The following HBS1L variants were observed in gnomAD, a reference collection of about 807,000 sequenced individuals.
HBS1L encodes HBS1 like translational GTPase, also known as HBS1-like protein.
In HBS1L, 55 loss-of-function variants were observed where a neutral mutation model predicts 88.9. That is an observed-to-expected ratio of 0.62 (90% CI 0.50 to 0.77). The LOEUF (loss-of-function observed/expected upper bound fraction) is 0.77. Among genes scored for constraint, HBS1L ranks in the 30% least tolerant of loss-of-function variants. The pLI is 0.00. For synonymous variants in HBS1L, 267 were observed against 288.5 expected (o/e 0.93, Z 0.76); for missense variants, 741 against 829.3 (o/e 0.89, Z 1.31).
chr6:134,978,023 A>G (rs1242830097), intron 15 of HBS1L, among the ~76,000 whole-genome samples: 1 of 152,010 alleles, frequency 6.6e-6, no homozygotes. Flanking sequence ...ATGCTGGCAA[A>G]CCAACCTTAC....
At chr6:134,971,999 AGTTAGTGTTAATAAGTTCTG>A (rs1229572505) in intron 15 of HBS1L, among the ~76,000 whole-genome samples, 1 of 152,202 alleles carries the variant, frequency 6.6e-6, no homozygotes, top group Admixed American at 6.5e-5. Context: ...TATTTATCTC[AGTTAGTGTTAATAAGTTCTG>A]GTGCAGAAAC....
At chr6:135,019,114 G>GA (rs1344847498) in intron 4 of HBS1L, among the ~76,000 whole-genome samples, 2 of 151,734 alleles carry the variant, frequency 1.3e-5, no homozygotes, top group Admixed American at 6.6e-5. Flanking sequence ...GCAACCACCA[G>GA]AAAAAATAAG....
intron 5 of HBS1L, among the ~76,000 whole-genome samples, chr6:135,000,366 A>G (rs1775416587): frequency 6.6e-6 from 1 of 151,190 alleles, no homozygotes; most frequent in African/African-American, 2.4e-5. Flanking sequence ...CACCCTGTAC[A>G]CTTACCTAAT....
intron 4 of HBS1L, among the ~76,000 whole-genome samples, chr6:135,017,991 A>C (rs1306833309): frequency 4.4e-5 from 5 of 114,296 alleles, no homozygotes; most frequent in Non-Finnish European, 8.0e-5. Flanking sequence ...AAACAAACAA[A>C]CAAAAAAAAA....
intron 13 of HBS1L, among the ~76,000 whole-genome samples, chr6:134,980,153 T>C (rs569182770): frequency 1.8e-4 from 28 of 152,186 alleles, no homozygotes; most frequent in African/African-American, 6.7e-4. Context: ...TGGATAGTTC[T>C]TGATTGACAC....
intron 3 of HBS1L, among the ~76,000 whole-genome samples, chr6:135,041,053 C>G (rs1776719023): frequency 6.6e-6 from 1 of 151,970 alleles, no homozygotes; most frequent in African/African-American, 2.4e-5. Context: ...TTTCAAACTC[C>G]CTATTCCACA....
chr6:135,054,791 C>G lies in HBS1L; in HGVS notation c.-100G>C. ...AACTGCAGCCTGGAGAACCCCTATG[C>G]GCCATCTTGGCTTCCCGCAGGCCTC... On this transcript the variant is annotated 5_prime_UTR_variant, in exon 1 of 18. Coordinates refer to ENST00000367837, the MANE Select transcript of HBS1L (RefSeq NM_006620.4). 3 of 1,437,604 alleles carry G rather than the reference C, an allele frequency of 2.1e-6. No homozygotes were observed. The highest frequency in any genetic ancestry group is 1.9e-5 in the Admixed American group (1 of 53,570). The allele number at this position is 1,437,604 out of a possible 1,614,324, so 89.1% of individuals were successfully genotyped here. A position where few individuals can be genotyped will look rare whatever the true frequency, so the allele number is the denominator to read the frequency against.
intron 12 of HBS1L, 44 bp from the exon 13 acceptor site, chr6:134,982,606 T>C: frequency 9.1e-7 from 1 of 1,095,340 alleles, no homozygotes; most frequent in Non-Finnish European, 1.4e-6. Flanking sequence ...AGCAATGTTA[T>C]CTGATGATTA....
intron 11 of HBS1L, 93 bp downstream of exon 11, chr6:134,985,973 T>C: frequency 1.5e-6 from 1 of 681,346 alleles, no homozygotes. Flanking sequence ...TCCTATGCTT[T>C]TTCATACGTG....
At chr6:135,042,707 G>A (rs1469832881) in intron 2 of HBS1L, among the ~76,000 whole-genome samples, 1 of 151,836 alleles carries the variant, frequency 6.6e-6, no homozygotes, top group Non-Finnish European at 1.5e-5. Context: ...TACTCAGGAG[G>A]CTGAGGCAGG....
At chr6:135,046,554 A>G (rs1291229132) in intron 2 of HBS1L, among the ~76,000 whole-genome samples, 2 of 152,144 alleles carry the variant, frequency 1.3e-5, no homozygotes, top group Admixed American at 1.3e-4. Context: ...AAGAAAAGTT[A>G]ACGTTTAAAA....
intron 15 of HBS1L, among the ~76,000 whole-genome samples, chr6:134,977,501 T>A (rs1336505214): frequency 6.6e-6 from 1 of 152,032 alleles, no homozygotes; most frequent in Non-Finnish European, 1.5e-5. Context: ...TAAAAGAAGC[T>A]TTTCTTTTCT....
chr6:135,042,761 C>T (rs1330071039), intron 2 of HBS1L, among the ~76,000 whole-genome samples: 1 of 148,828 alleles, frequency 6.7e-6, no homozygotes, highest in African/African-American at 2.5e-5. Context: ...TGCAGTGAGC[C>T]GAGATCACGC....
intron 4 of HBS1L, among the ~76,000 whole-genome samples, chr6:135,011,599 TA>T (rs1775775350): frequency 6.6e-6 from 1 of 151,982 alleles, no homozygotes; most frequent in Non-Finnish European, 1.5e-5. Context: ...AGGGGTTAGT[TA>T]ATATATACAA....
chr6:135,000,482 C>A (rs1775420466), intron 5 of HBS1L, among the ~76,000 whole-genome samples: 3 of 151,810 alleles, frequency 2.0e-5, no homozygotes, highest in Admixed American at 1.3e-4. Flanking sequence ...TACTTAGAAG[C>A]GAATAACTGA....
At chr6:134,993,967 G>A (rs1562285198) in intron 7 of HBS1L, 92 bp from the exon 8 acceptor site, 8 of 489,026 alleles carry the variant, frequency 1.6e-5, no homozygotes, top group African/African-American at 4.0e-5. Context: ...TACATTCTTA[G>A]GTAAAAATGG....
intron 4 of HBS1L, chr6:135,036,189 C>T: frequency 1.1e-6 from 1 of 888,738 alleles, no homozygotes; most frequent in Non-Finnish European, 1.3e-6. Flanking sequence ...ATCCCAAGTG[C>T]TGGCATTTTC....
chr6:135,003,317 T>C (rs1042128835), intron 4 of HBS1L, among the ~76,000 whole-genome samples: 4 of 152,166 alleles, frequency 2.6e-5, no homozygotes, highest in African/African-American at 9.7e-5. Context: ...TAGTATATAT[T>C]TTACTTGCAC....
intron 13 of HBS1L, 101 bp from the exon 14 acceptor site, chr6:134,979,369 C>T: frequency 2.6e-6 from 2 of 773,232 alleles, no homozygotes; most frequent in Non-Finnish European, 4.5e-6. Flanking sequence ...AGTCACTACT[C>T]ATCATTTTCA....
Sources: gnomAD v4.1 joint callset for allele counts (sites outside exome capture counted in the v4.1 genomes callset) on GRCh38, gnomAD v4.1.1 for gene constraint, MANE v1.5 for transcripts, NCBI Gene and HGNC (gene_info 2026-07-23, HGNC 2026-07-21) for gene names.